The following RRP15 variants were observed in gnomAD, a reference collection of about 807,000 sequenced individuals.
The protein encoded by RRP15 is ribosomal RNA processing 15 homolog.
In RRP15, 18 loss-of-function variants were observed where a neutral mutation model predicts 27.1. The ratio of observed to expected loss-of-function variants is 0.66; its 90% CI spans 0.46 to 0.98. The LOEUF is 0.98. Ranked by LOEUF, RRP15 falls within the 50% of genes least tolerant of loss-of-function variation. The pLI, the probability that RRP15 is intolerant of heterozygous loss-of-function variation, is 0.00. For synonymous variants in RRP15, 107 were observed against 109.4 expected, an observed-to-expected ratio of 0.98 and a Z score of 0.14; for missense variants, 359 against 337.8, an observed-to-expected ratio of 1.06 and a Z score of -0.49.
intron 4 of RRP15, among the ~76,000 whole-genome samples, chr1:218,315,444 C>CTTTT (rs1270749436): frequency 1.6e-4 from 24 of 151,952 alleles, no homozygotes; most frequent in Non-Finnish European, 2.8e-4. Flanking sequence ...TTTGGTTTTT[C>CTTTT]TAAGGCAGGA....
chr1:218,296,983 C>G (rs1419367215), intron 1 of RRP15, among the ~76,000 whole-genome samples: 2 of 152,184 alleles, frequency 1.3e-5, no homozygotes, highest in Non-Finnish European at 2.9e-5. Flanking sequence ...TGTCTGTCCT[C>G]TGATTACTGA....
At chr1:218,292,547 C>CATGTTCACTG (rs371798702) in intron 1 of RRP15, among the ~76,000 whole-genome samples, 1,585 of 152,332 alleles carry the variant, frequency 0.01, 31 homozygotes, top group African/African-American at 0.036. Context: ...AGACTCCAAC[C>CATGTTCACTG]CTTCACTGCT....
At chr1:218,326,445 G>A (rs1165189494) in intron 4 of RRP15, among the ~76,000 whole-genome samples, 3 of 151,946 alleles carry the variant, frequency 2.0e-5, no homozygotes, top group Admixed American at 6.6e-5. Flanking sequence ...CCTACAAGTC[G>A]TTTTTTAAAT....
chr1:218,323,789 C>T (rs1323297397), intron 4 of RRP15, among the ~76,000 whole-genome samples: 1 of 152,198 alleles, frequency 6.6e-6, no homozygotes, highest in African/African-American at 2.4e-5. Flanking sequence ...GGCATGTCAG[C>T]GCTGCCCCCA....
intron 4 of RRP15, among the ~76,000 whole-genome samples, chr1:218,320,690 C>T (rs1415050984): frequency 6.6e-6 from 1 of 151,686 alleles, no homozygotes; most frequent in Non-Finnish European, 1.5e-5. Flanking sequence ...AGTTGTTTTC[C>T]ACCCCATTCT....
rs140452837 is a variant in RRP15 at position 218,336,490 on chromosome 1, TG to T, written c.*5400del. ...GAGACAGCTGAGAGCTGTGTCCCTATGCGTGGGTGGCCTTGCAGCTGTTGAT... is the reference window on the plus strand; with the variant it reads ...GAGACAGCTGAGAGCTGTGTCCCTATCGTGGGTGGCCTTGCAGCTGTTGAT... On this transcript the variant is annotated 3_prime_UTR_variant, in exon 5 of 5. Coordinates refer to ENST00000366932, the MANE Select transcript of RRP15 (RefSeq NM_016052.4). The T allele has an allele frequency of 3.1e-4, 48 of 152,756 alleles. No homozygotes were observed. The highest frequency in any genetic ancestry group is 1.1e-3 in the African/African-American group (47 of 41,576). The allele number at this position is 152,756 out of a possible 1,614,324, so 9.5% of individuals were successfully genotyped here.
At chr1:218,308,702 T>C (rs1655941752) in intron 4 of RRP15, among the ~76,000 whole-genome samples, 1 of 152,224 alleles carries the variant, frequency 6.6e-6, no homozygotes, top group Non-Finnish European at 1.5e-5. Flanking sequence ...CTTGTCTCTT[T>C]CTTGAATATC....
chr1:218,315,094 G>A (rs964038971), intron 4 of RRP15, among the ~76,000 whole-genome samples: 3 of 151,986 alleles, frequency 2.0e-5, no homozygotes, highest in African/African-American at 7.3e-5. Context: ...AAGAGTCCAG[G>A]TATTTATTTT....
At chr1:218,320,544 T>C (rs1350619091) in intron 4 of RRP15, among the ~76,000 whole-genome samples, 2 of 152,172 alleles carry the variant, frequency 1.3e-5, no homozygotes, top group Non-Finnish European at 1.5e-5. Flanking sequence ...GGAAAATCAA[T>C]GTTGAATTAA....
At chr1:218,290,641 G>A (rs1035870816) in intron 1 of RRP15, among the ~76,000 whole-genome samples, 1 of 152,002 alleles carries the variant, frequency 6.6e-6, no homozygotes, top group African/African-American at 2.4e-5. Context: ...GCTGATTTTT[G>A]TATTTTTGGA....
intron 1 of RRP15, among the ~76,000 whole-genome samples, chr1:218,286,277 G>T (rs1655547965): frequency 6.6e-6 from 1 of 152,150 alleles, no homozygotes; most frequent in Non-Finnish European, 1.5e-5. Context: ...TTTGGGCCAG[G>T]TTGTCTGTCA....
At chr1:218,321,637 T>G in intron 4 of RRP15, among the ~76,000 whole-genome samples, 1 of 152,172 alleles carries the variant, frequency 6.6e-6, no homozygotes, top group East Asian at 1.9e-4. Flanking sequence ...CAATGGCTTA[T>G]CTAAGATTCA....
intron 4 of RRP15, among the ~76,000 whole-genome samples, chr1:218,313,429 A>G (rs1232270310): frequency 6.6e-6 from 1 of 152,202 alleles, no homozygotes; most frequent in African/African-American, 2.4e-5. Flanking sequence ...TTAATAACTC[A>G]GAGGTTTACA....
Position 218,334,318 on chromosome 1 carries a change from G to C in RRP15, c.*3227G>C, listed in dbSNP as rs1656417081. On this transcript the variant is annotated 3_prime_UTR_variant, in exon 5 of 5. Coordinates refer to ENST00000366932, the MANE Select transcript of RRP15 (RefSeq NM_016052.4). ...CAGAGGGTTACCACTAGTACTTAGAGCCTAAAGTCACTCAGTAGGAGGTTC... is the reference window on the plus strand; with the variant it reads ...CAGAGGGTTACCACTAGTACTTAGACCCTAAAGTCACTCAGTAGGAGGTTC... 1 of 152,186 alleles carries C rather than the reference G, an allele frequency of 6.6e-6. No homozygotes were observed. The highest frequency in any genetic ancestry group is 2.4e-5 in the African/African-American group (1 of 41,444). 9.4% of individuals were successfully genotyped at this position (152,186 alleles called of 1,614,324 possible).
chr1:218,285,872 A>T (rs1385445313), intron 1 of RRP15, among the ~76,000 whole-genome samples: 2 of 152,120 alleles, frequency 1.3e-5, no homozygotes, highest in South Asian at 4.2e-4. Flanking sequence ...TGTGCGGTAG[A>T]TGTGTGCGTG....
intron 4 of RRP15, among the ~76,000 whole-genome samples, chr1:218,307,880 G>C (rs1016011983): frequency 2.0e-5 from 3 of 152,018 alleles, no homozygotes; most frequent in Admixed American, 6.6e-5. Context: ...TTTACCCATA[G>C]AGGGTGTGTA....
intron 4 of RRP15, among the ~76,000 whole-genome samples, chr1:218,327,654 C>T (rs1021405638): frequency 5.9e-5 from 9 of 152,032 alleles, no homozygotes; most frequent in African/African-American, 1.9e-4. Context: ...ATCTAACATA[C>T]CTGTTTTTAA....
chr1:218,305,529 G>T (rs2102500337), intron 3 of RRP15, among the ~76,000 whole-genome samples: 1 of 152,188 alleles, frequency 6.6e-6, no homozygotes, highest in South Asian at 2.1e-4. Flanking sequence ...TTATTCATTG[G>T]CACCAAACGT....
chr1:218,293,028 A>ATT (rs1271507234), intron 1 of RRP15, among the ~76,000 whole-genome samples: 45 of 141,942 alleles, frequency 3.2e-4, no homozygotes, highest in African/African-American at 1.1e-3. Context: ...TTTTTTTCTT[A>ATT]TTTTTTTTTT....
Sources: allele counts gnomAD v4.1 joint callset (sites outside exome capture counted in the v4.1 genomes callset), GRCh38; gene constraint gnomAD v4.1.1; transcripts MANE v1.5; gene names NCBI Gene and HGNC (gene_info 2026-07-23, HGNC 2026-07-21).